The following STARD13 variants were observed in gnomAD, a reference collection of about 807,000 sequenced individuals.
The protein encoded by STARD13 is StAR related lipid transfer domain containing 13, also known as stAR-related lipid transfer protein 13.
A neutral mutation model predicts 106.4 loss-of-function variants in STARD13; 62 were observed. The observed-to-expected ratio is 0.58, with a 90% CI of 0.48 to 0.72. The LOEUF is 0.72. Among genes scored for constraint, STARD13 ranks in the 30% least tolerant of loss-of-function variants. STARD13 has a pLI of 0.00. For missense variants in STARD13, 1,387 were observed against 1,424.0 expected (o/e 0.97, Z 0.42); for synonymous variants, 565 against 553.0 (o/e 1.02, Z -0.31).
chr13:33,120,746 A>G (rs1876152724), intron 7 of STARD13, among the ~76,000 whole-genome samples: 1 of 151,834 alleles, frequency 6.6e-6, no homozygotes, highest in Non-Finnish European at 1.5e-5. Context: ...CTGATGATTG[A>G]GCTAACCCTG....
At chr13:33,283,132 A>T (rs1594215670) in intron 1 of STARD13, among the ~76,000 whole-genome samples, 2 of 152,216 alleles carry the variant, frequency 1.3e-5, no homozygotes, top group Admixed American at 1.3e-4. Flanking sequence ...CTTTGTTTCC[A>T]CTAGAGAAAT....
chr13:33,276,003 C>A (rs141155274), intron 1 of STARD13: 9 of 152,230 alleles, frequency 5.9e-5, no homozygotes, highest in Non-Finnish European at 8.8e-5. Context: ...GGAATTCCTT[C>A]GCAGGCTTCT....
chr13:33,635,407 C>T, the STARD13 span, among the ~76,000 whole-genome samples: 2 of 152,214 alleles, frequency 1.3e-5, no homozygotes, highest in Admixed American at 6.5e-5. Context: ...CGCCTGTAAT[C>T]CCAGCACTTT....
At chr13:33,266,959 C>T (rs1054109274) in intron 1 of STARD13, among the ~76,000 whole-genome samples, 9 of 152,118 alleles carry the variant, frequency 5.9e-5, no homozygotes, top group Admixed American at 3.9e-4. Flanking sequence ...AGAGCTGATG[C>T]GGAAAAAGTG....
chr13:33,186,156 C>T, intron 1 of STARD13: 1 of 1,013,010 alleles, frequency 9.9e-7, no homozygotes, highest in Non-Finnish European at 1.4e-6. Context: ...AGCCTCCACA[C>T]TTCCTTTCCT....
At chr13:33,162,638 C>A (rs1205205411) in intron 3 of STARD13, among the ~76,000 whole-genome samples, 2 of 152,186 alleles carry the variant, frequency 1.3e-5, no homozygotes, top group Non-Finnish European at 2.9e-5. Flanking sequence ...GGGCAAAATG[C>A]CACCAGTCTC....
At chr13:33,318,245 C>G (rs1391809617) in intron 1 of STARD13, among the ~76,000 whole-genome samples, 1 of 152,154 alleles carries the variant, frequency 6.6e-6, no homozygotes, top group Non-Finnish European at 1.5e-5. Flanking sequence ...TTACAATTGA[C>G]TCACTCATTC....
intron 3 of STARD13, among the ~76,000 whole-genome samples, chr13:33,155,140 G>T (rs573142814): frequency 6.6e-6 from 1 of 152,064 alleles, no homozygotes; most frequent in South Asian, 2.1e-4. Flanking sequence ...CTCCGGGCCG[G>T]GCACCCTACT....
At chr13:33,117,258 G>A (rs377235404) in intron 8 of STARD13, among the ~76,000 whole-genome samples, 6 of 152,082 alleles carry the variant, frequency 3.9e-5, no homozygotes, top group Non-Finnish European at 8.8e-5. Flanking sequence ...TCAGGCACCC[G>A]CCACCATGCC....
intron 1 of STARD13, among the ~76,000 whole-genome samples, chr13:33,208,058 A>G (rs1028327791): frequency 1.3e-5 from 2 of 151,978 alleles, no homozygotes; most frequent in African/African-American, 2.4e-5. Context: ...GAATTTGTCA[A>G]CTGCGAAGAT....
At chr13:33,185,819 T>G in intron 1 of STARD13, 3 of 1,572,768 alleles carry the variant, frequency 1.9e-6, no homozygotes, top group Non-Finnish European at 2.6e-6. Context: ...CAAGGCTAAG[T>G]AACAAGTTCA....
chr13:33,474,622 T>C, the STARD13 span, among the ~76,000 whole-genome samples: 5 of 152,230 alleles, frequency 3.3e-5, no homozygotes, highest in Non-Finnish European at 7.3e-5. Flanking sequence ...AAATTATTGA[T>C]AAAATTCACA....
At chr13:33,596,406 G>A in the STARD13 span, among the ~76,000 whole-genome samples, 16 of 152,146 alleles carry the variant, frequency 1.1e-4, no homozygotes, top group Admixed American at 4.6e-4. Flanking sequence ...ACACACACAT[G>A]CATGTTATAT....
the STARD13 span, among the ~76,000 whole-genome samples, chr13:33,501,644 C>A: frequency 2.0e-5 from 3 of 152,118 alleles, no homozygotes; most frequent in Non-Finnish European, 4.4e-5. Flanking sequence ...AATAGGGAAT[C>A]TTTTTCTCAT....
rs1014472279 is a variant in STARD13 at position 33,105,549 on chromosome 13, T to G, written c.*44A>C. 4 of 1,395,500 alleles carry G rather than the reference T, an allele frequency of 2.9e-6. No individual in the cohort carries two copies. Among genetic ancestry groups the G allele is most frequent in the Non-Finnish European group, 4.1e-6 (4 of 980,388 alleles). 86.4% of individuals were successfully genotyped at this position (1,395,500 alleles called of 1,614,324 possible). The stretch of plus-strand genomic sequence containing the variant: ...GCACACTCTCTGCCACACTCGTCAC[T>G]TTAGCTTCCTCTTCCCTGAGTTTGA... On this transcript the variant is annotated 3_prime_UTR_variant, in exon 14 of 14. Transcript: ENST00000336934.
the STARD13 span, among the ~76,000 whole-genome samples, chr13:33,672,187 A>T: frequency 6.6e-6 from 1 of 152,238 alleles, no homozygotes; most frequent in African/African-American, 2.4e-5. Context: ...ATGCAGCCAT[A>T]AAAAAGAATG....
At chr13:33,564,206 CAAAAA>C in the STARD13 span, among the ~76,000 whole-genome samples, 7 of 53,872 alleles carry the variant, frequency 1.3e-4, 1 homozygote, top group African/African-American at 2.7e-4. Context: ...GACTGTATCT[CAAAAA>C]AAAAAAAAAA....
the STARD13 span, among the ~76,000 whole-genome samples, chr13:33,665,053 G>A: frequency 6.6e-6 from 1 of 152,250 alleles, no homozygotes; most frequent in Admixed American, 6.5e-5. Context: ...GAGGGACAGA[G>A]GAAGTGGAGA....
the STARD13 span, among the ~76,000 whole-genome samples, chr13:33,495,729 T>C: frequency 6.6e-6 from 1 of 151,108 alleles, no homozygotes; most frequent in Non-Finnish European, 1.5e-5. Context: ...TTTAAATCAA[T>C]TTTCATCTTG....
Sources: allele counts gnomAD v4.1 joint callset (sites outside exome capture counted in the v4.1 genomes callset), GRCh38; gene constraint gnomAD v4.1.1; transcripts MANE v1.5; gene names NCBI Gene and HGNC (gene_info 2026-07-23, HGNC 2026-07-21).